Variants in DCDC1 observed in about 807,000 individuals in gnomAD.
DCDC1 encodes the protein doublecortin domain containing 1.
A neutral mutation model predicts 178.3 loss-of-function variants in DCDC1; 200 were observed. The ratio of observed to expected loss-of-function variants is 1.12; its 90% CI spans 1.00 to 1.26. DCDC1 has a LOEUF of 1.26. Among genes scored for constraint, DCDC1 ranks in the 50% most tolerant of loss-of-function variants. DCDC1 has a pLI of 0.00. For synonymous variants in DCDC1, 690 were observed against 604.8 expected (o/e 1.14, Z -2.07); for missense variants, 1,983 against 1,749.2 (o/e 1.13, Z -2.38).
intron 32 of DCDC1, among the ~76,000 whole-genome samples, chr11:30,901,508 A>G (rs1445981712): frequency 1.3e-5 from 2 of 152,214 alleles, no homozygotes; most frequent in Non-Finnish European, 2.9e-5. Context: ...AATTCTGACC[A>G]ACAGCTGTTT....
At chr11:31,213,823 G>A (rs1421812307) in intron 9 of DCDC1, among the ~76,000 whole-genome samples, 7 of 151,702 alleles carry the variant, frequency 4.6e-5, no homozygotes, top group Non-Finnish European at 1.0e-4. Context: ...TAATATTACC[G>A]ACTATTACTT....
At chr11:30,996,219 C>T (rs290100) in intron 20 of DCDC1, among the ~76,000 whole-genome samples, 3,487 of 152,136 alleles carry the variant, frequency 0.023, 146 homozygotes, top group African/African-American at 0.08. Context: ...GAACGATCAC[C>T]ACACATCTAT....
At position 30,918,257 on chromosome 11, in the gene DCDC1, G is replaced by C. The variant is rs190862345; in HGVS notation, c.3294-1229C>G. Among the ~76,000 whole-genome samples the C allele has an allele frequency of 3.2e-3, 488 of 152,256 alleles. 4 individuals carry two copies. Among genetic ancestry groups the C allele is most frequent in the African/African-American group, 0.011 (466 of 41,538 alleles). Reference sequence around the variant, plus strand: ...GCTCTTGAACTTCCTGGCAAATGAGGTATAGTCAAGTCAGTTTTAGAACAG... The same window carrying C: ...GCTCTTGAACTTCCTGGCAAATGAGCTATAGTCAAGTCAGTTTTAGAACAG... On this transcript the variant is annotated intron_variant, in intron 25 of 38. Coordinates refer to ENST00000684477, the MANE Select transcript of DCDC1 (RefSeq NM_001387274.1).
At chr11:31,153,402 G>A (rs1965377350) in intron 9 of DCDC1, among the ~76,000 whole-genome samples, 1 of 152,108 alleles carries the variant, frequency 6.6e-6, no homozygotes, top group East Asian at 1.9e-4. Context: ...GCATTATCAA[G>A]CTCCTTCCCC....
intron 20 of DCDC1, among the ~76,000 whole-genome samples, chr11:31,031,546 T>C (rs1394423217): frequency 1.3e-5 from 2 of 152,158 alleles, no homozygotes; most frequent in Non-Finnish European, 2.9e-5. Flanking sequence ...GTCCTACAGA[T>C]GTTATTTTTA....
chr11:31,214,454 T>C (rs1973274193), intron 9 of DCDC1, among the ~76,000 whole-genome samples: 1 of 152,226 alleles, frequency 6.6e-6, no homozygotes, highest in African/African-American at 2.4e-5. Context: ...TTCACTCTGC[T>C]GCACACAGCA....
chr11:30,888,146 G>GAA lies in DCDC1; in HGVS notation c.5082+4670_5082+4671dup, dbSNP rs1236621168. Among the ~76,000 whole-genome samples the GAA allele has an allele frequency of 8.0e-5, 11 of 138,236 alleles. No individual in the cohort carries two copies. In the East Asian group the frequency reaches 2.0e-3, roughly 26 times the overall value. The allele number at this position is 138,236 out of a possible 152,430, so 90.7% of individuals were successfully genotyped here. The stretch of plus-strand genomic sequence containing the variant: ...AGAAAGAAAGAAAGAAAGAAAGAAA[G>GAA]AAAGAAAGAAAGAAAGGGAAAGAAA... On this transcript the variant is annotated intron_variant, in intron 36 of 38. Transcript: ENST00000684477.
At chr11:31,229,768 A>G (rs1457527637) in intron 9 of DCDC1, among the ~76,000 whole-genome samples, 3 of 152,208 alleles carry the variant, frequency 2.0e-5, no homozygotes, top group African/African-American at 7.2e-5. Flanking sequence ...TGAAGACTAG[A>G]AAACACAATG....
Position 30,911,317 on chromosome 11 carries a change from C to T in DCDC1, c.3747+10G>A, listed in dbSNP as rs1469848929. On this transcript the variant is annotated intron_variant, in intron 28 of 38. Transcript: ENST00000684477. ...AGGCCATGACTAATCTTTAGCCATA[C>T]ATATCTTACCTGAACAATAACTGGA... 1 of 1,591,288 alleles carries T rather than the reference C, an allele frequency of 6.3e-7. No homozygotes were observed. Among genetic ancestry groups the T allele is most frequent in the Non-Finnish European group, 8.6e-7 (1 of 1,167,480 alleles).
chr11:31,167,006 T>C (rs1966840584), intron 9 of DCDC1, among the ~76,000 whole-genome samples: 1 of 152,192 alleles, frequency 6.6e-6, no homozygotes, highest in Non-Finnish European at 1.5e-5. Flanking sequence ...AGACTTCTCA[T>C]CTACTGATTA....
intron 6 of DCDC1, among the ~76,000 whole-genome samples, chr11:31,296,774 T>G (rs1445820817): frequency 2.0e-5 from 3 of 152,110 alleles, no homozygotes; most frequent in Non-Finnish European, 4.4e-5. Flanking sequence ...GAAGGAGAAG[T>G]GCAGAGCAAA....
chr11:31,247,277 GT>G (rs1943630381), intron 8 of DCDC1, among the ~76,000 whole-genome samples: 1 of 151,748 alleles, frequency 6.6e-6, no homozygotes, highest in South Asian at 2.1e-4. Flanking sequence ...CCTGAGTCAT[GT>G]TTTTTTTCTT....
intron 13 of DCDC1, among the ~76,000 whole-genome samples, chr11:31,106,506 T>C (rs1958859451): frequency 6.6e-6 from 1 of 152,174 alleles, no homozygotes; most frequent in Non-Finnish European, 1.5e-5. Context: ...CCATCTGCTA[T>C]CATTAAGGTG....
intron 20 of DCDC1, among the ~76,000 whole-genome samples, chr11:31,003,441 C>T (rs940800479): frequency 7.2e-5 from 11 of 152,142 alleles, no homozygotes; most frequent in African/African-American, 2.7e-4. Context: ...TACAAACAAA[C>T]ACAGTGTGAT....
At chr11:30,946,244 CGT>C (rs1948047650) in intron 21 of DCDC1, among the ~76,000 whole-genome samples, 1 of 152,142 alleles carries the variant, frequency 6.6e-6, no homozygotes, top group African/African-American at 2.4e-5. Context: ...CAGTGGTGTA[CGT>C]TATCCTGCCT....
chr11:30,870,907 G>A (rs892006174), intron 38 of DCDC1, among the ~76,000 whole-genome samples: 5 of 152,172 alleles, frequency 3.3e-5, no homozygotes, highest in Admixed American at 6.5e-5. Flanking sequence ...CAGTAGTGAA[G>A]GGAGAAAAGA....
chr11:30,877,271 G>C (rs1187033498), intron 38 of DCDC1, among the ~76,000 whole-genome samples: 1 of 152,100 alleles, frequency 6.6e-6, no homozygotes, highest in Admixed American at 6.5e-5. Context: ...ATTGAGAAGT[G>C]AACCCAGCTG....
At chr11:30,876,889 G>A (rs1942184140) in intron 38 of DCDC1, among the ~76,000 whole-genome samples, 1 of 151,950 alleles carries the variant, frequency 6.6e-6, no homozygotes, top group African/African-American at 2.4e-5. Flanking sequence ...CTTTCCAACG[G>A]GGAGCAAGTT....
At chr11:30,876,551 T>C (rs2133950220) in intron 38 of DCDC1, among the ~76,000 whole-genome samples, 1 of 152,302 alleles carries the variant, frequency 6.6e-6, no homozygotes, top group East Asian at 1.9e-4. Context: ...TAAAATCCCA[T>C]TTACTAGTAA....
Sources: allele counts gnomAD v4.1 joint callset (sites outside exome capture counted in the v4.1 genomes callset), GRCh38; gene constraint gnomAD v4.1.1; transcripts MANE v1.5; gene names NCBI Gene and HGNC (gene_info 2026-07-23, HGNC 2026-07-21).